TTC28: variants seen among roughly 807,000 people sequenced by gnomAD.
TTC28 encodes tetratricopeptide repeat domain 28.
Under a neutral mutation model 198.0 loss-of-function variants are expected in TTC28, and 61 were observed. The observed-to-expected ratio is 0.31, with a 90% CI of 0.25 to 0.38. The LOEUF is 0.38. TTC28 is among the 10% of genes least tolerant of loss of function. The pLI is 1.00. For synonymous variants in TTC28, 1,171 were observed against 1,297.8 expected, an observed-to-expected ratio of 0.90 and a Z score of 2.10; for missense variants, 2,678 against 3,164.0, an observed-to-expected ratio of 0.85 and a Z score of 3.69.
At chr22:28,398,136 G>C (rs948932107) in intron 2 of TTC28, among the ~76,000 whole-genome samples, 1 of 152,158 alleles carries the variant, frequency 6.6e-6, no homozygotes, top group East Asian at 1.9e-4. Flanking sequence ...ACTGGTCCCC[G>C]CCCCATTCCA....
At chr22:28,403,957 A>G (rs2046958235) in intron 2 of TTC28, among the ~76,000 whole-genome samples, 1 of 152,182 alleles carries the variant, frequency 6.6e-6, no homozygotes, top group African/African-American at 2.4e-5. Flanking sequence ...CATCTGCCCA[A>G]AAAGCTTAGG....
At chr22:28,098,589 C>T (rs1326539397) in intron 10 of TTC28, among the ~76,000 whole-genome samples, 1 of 151,530 alleles carries the variant, frequency 6.6e-6, no homozygotes, top group Non-Finnish European at 1.5e-5. Context: ...ATTTCCACAG[C>T]ATCTGAGTTT....
chr22:28,584,860 G>A (rs963445231), intron 2 of TTC28, among the ~76,000 whole-genome samples: 1 of 152,190 alleles, frequency 6.6e-6, no homozygotes, highest in Non-Finnish European at 1.5e-5. Flanking sequence ...AATAAACGAT[G>A]AAGTTCTGAA....
intron 2 of TTC28, among the ~76,000 whole-genome samples, chr22:28,609,238 A>G (rs1186190192): frequency 6.6e-6 from 1 of 152,236 alleles, no homozygotes; most frequent in Non-Finnish European, 1.5e-5. Context: ...TGAAAAACCA[A>G]ATAATTCCAG....
chr22:28,433,017 A>C (rs1203145939), intron 2 of TTC28, among the ~76,000 whole-genome samples: 3 of 152,170 alleles, frequency 2.0e-5, no homozygotes, highest in African/African-American at 7.2e-5. Context: ...TGTTTCATGA[A>C]TCCTCCCTAC....
chr22:28,032,168 GTATATATATATATATATATAAAATATATA>G (rs1939115711), intron 12 of TTC28, among the ~76,000 whole-genome samples: 1 of 91,080 alleles, frequency 1.1e-5, no homozygotes, highest in African/African-American at 4.4e-5. Flanking sequence ...CTTAGTGTGT[GTATATATATATATATATATAAAATATATA>G]TATATAAAAT....
chr22:28,502,144 C>T (rs867944915), intron 2 of TTC28, among the ~76,000 whole-genome samples: 2 of 152,172 alleles, frequency 1.3e-5, no homozygotes, highest in African/African-American at 4.8e-5. Flanking sequence ...CCTTGGAAAT[C>T]TACCTGATAC....
intron 5 of TTC28, among the ~76,000 whole-genome samples, chr22:28,272,856 A>C (rs941014685): frequency 4.6e-5 from 7 of 152,280 alleles, no homozygotes; most frequent in South Asian, 2.1e-4. Flanking sequence ...CGTGAACCCA[A>C]GTGTCTGAGC....
At chr22:28,310,173 CAAAA>C (rs549879100) in intron 2 of TTC28, among the ~76,000 whole-genome samples, 1 of 94,358 alleles carries the variant, frequency 1.1e-5, no homozygotes, top group Admixed American at 1.2e-4. Context: ...CACACACACA[CAAAA>C]AACAAGACAA....
chr22:28,021,542 G>T (rs376563496), intron 13 of TTC28, among the ~76,000 whole-genome samples: 5 of 152,196 alleles, frequency 3.3e-5, no homozygotes, highest in South Asian at 2.1e-4. Context: ...TGAGCTGCAG[G>T]GGGGGAATTC....
At chr22:28,436,719 G>T (rs1417745443) in intron 2 of TTC28, among the ~76,000 whole-genome samples, 1 of 152,180 alleles carries the variant, frequency 6.6e-6, no homozygotes, top group Non-Finnish European at 1.5e-5. Flanking sequence ...AGAGCTAGGT[G>T]CCATTCACAT....
At chr22:28,039,634 CG>C (rs1280013625) in intron 12 of TTC28, among the ~76,000 whole-genome samples, 1 of 152,004 alleles carries the variant, frequency 6.6e-6, no homozygotes, top group African/African-American at 2.4e-5. Context: ...CAAACCTGCA[CG>C]TTGTGCACAT....
chr22:28,107,179 G>A lies in TTC28; in HGVS notation c.2666C>T (p.Ala889Val). 2.6e-6 allele frequency: 4 copies of A among 1,551,710 alleles called. No homozygotes were observed. Among genetic ancestry groups the A allele is most frequent in the Non-Finnish European group, 3.5e-6 (4 of 1,146,990 alleles). ...AYGNLGDCYE[A>V]LGDYEEAIKY... ...GATAGCTTCCTCATAGTCACCCAGG[G>A]CTTCGTAGCAATCCCCCAGGTTGCC... Residue 889 changes from alanine to valine, a missense_variant, in exon 7 of 23, where the codon GCC becomes GTC. Ala to Val is a moderately conservative substitution (Grantham distance 64). Coordinates refer to ENST00000397906, the MANE Select transcript of TTC28 (RefSeq NM_001145418.2).
intron 12 of TTC28, among the ~76,000 whole-genome samples, chr22:28,041,307 G>A (rs1360010813): frequency 6.6e-6 from 1 of 152,180 alleles, no homozygotes; most frequent in Non-Finnish European, 1.5e-5. Flanking sequence ...AAAGCTGGAG[G>A]CATCAAGCTA....
chr22:28,035,714 G>A (rs1306507219), intron 12 of TTC28, among the ~76,000 whole-genome samples: 2 of 152,168 alleles, frequency 1.3e-5, no homozygotes, highest in Non-Finnish European at 2.9e-5. Context: ...AGATTTCTGA[G>A]ACCTTTGAAA....
chr22:28,257,502 G>A (rs1315719709), intron 5 of TTC28, among the ~76,000 whole-genome samples: 1 of 151,850 alleles, frequency 6.6e-6, no homozygotes, highest in African/African-American at 2.4e-5. Context: ...CAAGCACAGA[G>A]AGCTAGATAT....
At chr22:28,616,738 T>C (rs2050910322) in intron 2 of TTC28, among the ~76,000 whole-genome samples, 1 of 151,994 alleles carries the variant, frequency 6.6e-6, no homozygotes, top group East Asian at 1.9e-4. Flanking sequence ...TCCCAACTAC[T>C]TGGGAGTCTG....
chr22:28,502,475 C>CT (rs930176600), intron 2 of TTC28, among the ~76,000 whole-genome samples: 11 of 58,452 alleles, frequency 1.9e-4, no homozygotes, highest in Non-Finnish European at 3.5e-4. Context: ...CCTGTCTCTA[C>CT]TAAAAAAAAA....
At chr22:28,052,940 C>T (rs965120019) in intron 12 of TTC28, among the ~76,000 whole-genome samples, 5 of 152,150 alleles carry the variant, frequency 3.3e-5, no homozygotes, top group African/African-American at 7.2e-5. Context: ...ATGTCCTGTG[C>T]GACGTGAAAG....
Sources: allele counts gnomAD v4.1 joint callset (sites outside exome capture counted in the v4.1 genomes callset), GRCh38; gene constraint gnomAD v4.1.1; transcripts MANE v1.5; gene names NCBI Gene and HGNC (gene_info 2026-07-23, HGNC 2026-07-21).